CACNA1I: variants seen among roughly 807,000 people sequenced by gnomAD.
CACNA1I encodes calcium voltage-gated channel subunit alpha1 I, also known as voltage-dependent T-type calcium channel subunit alpha-1I.
Under a neutral mutation model 201.6 loss-of-function variants are expected in CACNA1I, and 74 were observed. That is an observed-to-expected ratio of 0.37 (90% CI 0.30 to 0.45). CACNA1I has a LOEUF of 0.45. Ranked by LOEUF, CACNA1I falls within the 20% of genes least tolerant of loss-of-function variation. The probability of loss-of-function intolerance (pLI) is 1.00; values close to 1 mark genes in which losing one functional copy is unlikely to be tolerated. For synonymous variants in CACNA1I, 1,431 were observed against 1,345.2 expected (o/e 1.06, Z -1.40); for missense variants, 2,346 against 3,138.1 (o/e 0.75, Z 6.03).
At position 39,686,404 on chromosome 22, in the gene CACNA1I, G is replaced by T; in HGVS notation, c.6671G>T (p.Ter2224LeuextTer148). The change falls in exon 37 of 37, where the codon TGA (stop) becomes TTA (leucine). Residue 2224 changes from the stop codon to leucine, a stop_lost. Coordinates refer to ENST00000402142, the MANE Select transcript of CACNA1I (RefSeq NM_021096.4). ...GACGCCGCCAGCAAGAGGAAGAGAT[G>T]AGGGTCGCAGGGGCCCCCGGCCGCC... ...PGDAASKRKR[*>L] 1 of 1,254,252 alleles carries T rather than the reference G, an allele frequency of 8.0e-7. No homozygotes were observed. The allele number at this position is 1,254,252 out of a possible 1,614,324, so 77.7% of individuals were successfully genotyped here. A position where few individuals can be genotyped will look rare whatever the true frequency, so the allele number is the denominator to read the frequency against.
chr22:39,658,117 A>G, intron 10 of CACNA1I, 35 bp from the exon 11 acceptor site: 1 of 1,610,400 alleles, frequency 6.2e-7, no homozygotes, highest in South Asian at 1.1e-5. Context: ...CTCTGGCCTG[A>G]CCGGGTCTCC....
rs1935110129 is a variant in CACNA1I, at chr22:39,664,166, C to A, written c.3666+7C>A. ...GGGCGAGATGACATTGAAGGTAGCT[C>A]CCGGTTTCACCCGGGACCCCTGCTA... On this transcript the variant is annotated splice_region_variant and intron_variant, in intron 20 of 36. Coordinates refer to ENST00000402142, the MANE Select transcript of CACNA1I (RefSeq NM_021096.4). 6.2e-7 allele frequency: 1 copy of A among 1,609,850 alleles called. No homozygotes were observed. The highest frequency in any genetic ancestry group is 1.7e-5 in the Admixed American group (1 of 59,618).
chr22:39,668,756 T>C (rs1482639407), intron 24 of CACNA1I, among the ~76,000 whole-genome samples: 2 of 151,458 alleles, frequency 1.3e-5, no homozygotes, highest in East Asian at 3.9e-4. Context: ...GAATTGGGAG[T>C]TGGGAGCCAG....
rs1459349364 is a variant in CACNA1I at position 39,662,767 on chromosome 22, T to C, written c.3373-9T>C. On this transcript the variant is annotated splice_polypyrimidine_tract_variant and intron_variant, in intron 17 of 36. Transcript: ENST00000402142. ...GCTGACCCCCGGCGCTCCGTCCTCC[T>C]CTTGCTAGACCCTGTGCTTCCGCGT... 14 of 1,563,822 alleles carry C rather than the reference T, an allele frequency of 9.0e-6. No homozygotes were observed. The Admixed American group carries it at 2.6e-4, about 29-fold the overall frequency.
chr22:39,646,014 G>A (rs1934476146), intron 7 of CACNA1I, among the ~76,000 whole-genome samples: 1 of 152,228 alleles, frequency 6.6e-6, no homozygotes, highest in African/African-American at 2.4e-5. Context: ...ACGGGCTGTG[G>A]CCTCCCTCTC....
intron 3 of CACNA1I, among the ~76,000 whole-genome samples, chr22:39,618,058 T>C (rs1933598428): frequency 6.6e-6 from 1 of 151,392 alleles, no homozygotes; most frequent in South Asian, 2.1e-4. Flanking sequence ...TATTTGTGCT[T>C]GTGTATGCGG....
At chr22:39,668,228 G>A in intron 23 of CACNA1I, 64 bp from the exon 24 acceptor site, 3 of 932,018 alleles carry the variant, frequency 3.2e-6, no homozygotes, top group Non-Finnish European at 1.8e-6. Flanking sequence ...GCTGAGGAGG[G>A]GTGGCTGCAG....
chr22:39,683,419 A>G (rs1569102252), intron 35 of CACNA1I, among the ~76,000 whole-genome samples: 1 of 152,108 alleles, frequency 6.6e-6, no homozygotes, highest in South Asian at 2.1e-4. Flanking sequence ...CTGAGAGCTG[A>G]TGGGCTCTCA....
In CACNA1I at chr22:39,637,993, G is replaced by C. The variant is rs143596481; in HGVS notation, c.741-2874G>C. Among the ~76,000 whole-genome samples, 168 of 152,244 alleles carry C rather than the reference G, an allele frequency of 1.1e-3. 1 individual carries two copies. The highest frequency in any genetic ancestry group is 3.9e-3 in the African/African-American group (164 of 41,550). On this transcript the variant is annotated intron_variant, in intron 5 of 36. Coordinates refer to ENST00000402142, the MANE Select transcript of CACNA1I (RefSeq NM_021096.4). ...CTATCGCCTAGGCTGGAGTGCAGTGGCATGATCTCAGCTCACTGCCACCTC... is the reference window on the plus strand; with the variant it reads ...CTATCGCCTAGGCTGGAGTGCAGTGCCATGATCTCAGCTCACTGCCACCTC...
At chr22:39,669,209 G>A (rs1193192065) in intron 24 of CACNA1I, among the ~76,000 whole-genome samples, 1 of 152,230 alleles carries the variant, frequency 6.6e-6, no homozygotes, top group African/African-American at 2.4e-5. Context: ...GCAACTCCCA[G>A]GCTGGTAATG....
At chr22:39,682,161 G>A (rs1052251159) in intron 34 of CACNA1I, among the ~76,000 whole-genome samples, 2 of 152,180 alleles carry the variant, frequency 1.3e-5, no homozygotes, top group African/African-American at 4.8e-5. Context: ...CTCAGCAAAG[G>A]GAAGGGACCC....
At position 39,640,941 on chromosome 22, in the gene CACNA1I, C is replaced by T. The variant is rs776190310; in HGVS notation, c.815C>T (p.Ser272Leu). The T allele has an allele frequency of 1.1e-5, 17 of 1,613,866 alleles. No homozygotes were observed. The highest frequency in any genetic ancestry group is 1.6e-4 in the Middle Eastern group (1 of 6,084). Residue 272 changes from serine (S) to leucine (L), a missense_variant, in exon 6 of 37, where the codon TCG becomes TTG. By Grantham distance (145) the Ser-to-Leu change is moderately radical (BLOSUM62 -2). Transcript: ENST00000402142. Reference sequence around the variant, plus strand: ...GAGATGCCCTTCATCTGCTCCCTGTCGGGCGACAATGGGATAATGGGCTGC... The same window carrying T: ...GAGATGCCCTTCATCTGCTCCCTGTTGGGCGACAATGGGATAATGGGCTGC... ...DDEMPFICSLSGDNGIMGCHE... is the reference protein window; with the variant it reads ...DDEMPFICSLLGDNGIMGCHE...
At chr22:39,618,396 G>A (rs921709139) in intron 3 of CACNA1I, among the ~76,000 whole-genome samples, 4 of 151,174 alleles carry the variant, frequency 2.6e-5, no homozygotes, top group East Asian at 3.9e-4. Flanking sequence ...TGTGACTGTG[G>A]GTGTGTGGTT....
chr22:39,661,667 T>G (rs1935016160), intron 16 of CACNA1I, among the ~76,000 whole-genome samples: 1 of 152,260 alleles, frequency 6.6e-6, no homozygotes, highest in South Asian at 2.1e-4. Context: ...TCTCTGAGCC[T>G]CAGTTTCCTT....
intron 18 of CACNA1I, 69 bp from the exon 19 acceptor site, chr22:39,663,649 C>T: frequency 1.9e-6 from 3 of 1,592,982 alleles, no homozygotes; most frequent in African/African-American, 1.3e-5. Context: ...CTGCCTGGGC[C>T]CTCTGCCTTC....
chr22:39,650,540 C>A (rs1285390540), intron 10 of CACNA1I, among the ~76,000 whole-genome samples: 1 of 152,184 alleles, frequency 6.6e-6, no homozygotes, highest in East Asian at 1.9e-4. Context: ...TGCCTCAAAA[C>A]TTCTGTTGCT....
intron 3 of CACNA1I, among the ~76,000 whole-genome samples, chr22:39,614,364 G>A (rs749043510): frequency 9.2e-5 from 14 of 152,216 alleles, no homozygotes; most frequent in African/African-American, 1.4e-4. Context: ...TCAAGTAACC[G>A]GGGAGAGCAG....
chr22:39,662,342 C>A lies in CACNA1I; in HGVS notation c.3279C>A (p.Asp1093Glu). ...RAAGPAPGHE[D>E]CNGRMPSIAK... is the part of the protein sequence containing the mutation. ...CAGGCCCGGCCCCCGGGCATGAGGA[C>A]TGCAATGGCAGGATGCCCAGCATCG... The change falls in exon 17 of 37, where the codon GAC becomes GAA. Residue 1093 changes from aspartate to glutamate, a missense_variant. By Grantham distance (45) the Asp-to-Glu change is conservative. This residue lies in a region of CACNA1I where 288 missense variants were observed against 255.2 expected (regional missense o/e 1.13). Coordinates refer to ENST00000402142, the MANE Select transcript of CACNA1I (RefSeq NM_021096.4). 1.3e-6 allele frequency: 2 copies of A among 1,485,862 alleles called. No homozygotes were observed. The highest frequency in any genetic ancestry group is 2.6e-5 in the South Asian group (2 of 76,356). 92.0% of individuals were successfully genotyped at this position (1,485,862 alleles called of 1,614,324 possible).
Position 39,686,101 on chromosome 22 carries a change from ACTCGGAGACC to A in CACNA1I, c.6372_6381del (p.Glu2125AlafsTer144). 8.7e-7 allele frequency: 1 copy of A among 1,151,618 alleles called. No individual in the cohort carries two copies. The highest frequency in any genetic ancestry group is 1.1e-6 in the Non-Finnish European group (1 of 940,814). The allele number at this position is 1,151,618 out of a possible 1,614,324, so 71.3% of individuals were successfully genotyped here. On this transcript the variant is annotated frameshift_variant, in exon 37 of 37. Coordinates refer to ENST00000402142, the MANE Select transcript of CACNA1I (RefSeq NM_021096.4). LOFTEE classifies it low-confidence loss of function (END_TRUNC). ...GGCGGCGGGGGCGCGGGCAGCGAGC[ACTCGGAGACC>A]CTCAGCAGCCTCTCGCTCACCTCCC...
Sources: gnomAD v4.1 joint callset for allele counts (sites outside exome capture counted in the v4.1 genomes callset) on GRCh38, gnomAD v4.1.1 for gene constraint, gnomAD v4.1.1 regional missense constraint, MANE v1.5 for transcripts, NCBI Gene and HGNC (gene_info 2026-07-23, HGNC 2026-07-21) for gene names.